The following PANK1 variants were observed in gnomAD, a reference collection of about 807,000 sequenced individuals.
The protein encoded by PANK1 is pantothenate kinase 1.
A neutral mutation model predicts 40.1 loss-of-function variants in PANK1; 18 were observed. That is an observed-to-expected ratio of 0.45 (90% CI 0.31 to 0.67). The LOEUF (loss-of-function observed/expected upper bound fraction) is 0.67. PANK1 is among the 30% of genes least tolerant of loss of function. PANK1 has a pLI of 0.06. For synonymous variants in PANK1, 242 were observed against 237.7 expected (o/e 1.02, Z -0.17); for missense variants, 457 against 599.6 (o/e 0.76, Z 2.48).
rs566399821 is a variant in PANK1, at chr10:89,645,009, A to G, written c.-118T>C. ...GCGGCTTCCGATTCAGCAGCCGCAGAGCCGGCGCCTGGGGATGGCGAACCC... is the reference window on the plus strand; with the variant it reads ...GCGGCTTCCGATTCAGCAGCCGCAGGGCCGGCGCCTGGGGATGGCGAACCC... On this transcript the variant is annotated 5_prime_UTR_variant, in exon 1 of 7. Coordinates refer to ENST00000307534, the MANE Select transcript of PANK1 (RefSeq NM_148977.3). 1.1e-5 allele frequency: 18 copies of G among 1,567,332 alleles called. 1 individual carries two copies. In the East Asian group the frequency reaches 4.2e-4, roughly 36 times the overall value.
intron 2 of PANK1, among the ~76,000 whole-genome samples, chr10:89,600,754 G>A (rs908491971): frequency 3.9e-4 from 59 of 152,064 alleles, no homozygotes; most frequent in African/African-American, 1.3e-3. Flanking sequence ...ATTACTACTG[G>A]CCCAGAGATC....
rs994696423 is a variant in PANK1, at chr10:89,584,213, C to G, written c.*193G>C. The G allele has an allele frequency of 1.9e-4, 98 of 519,874 alleles. No homozygotes were observed. The highest frequency in any genetic ancestry group is 3.2e-4 in the Non-Finnish European group (92 of 288,592). The allele number at this position is 519,874 out of a possible 1,614,324, so 32.2% of individuals were successfully genotyped here. A position where few individuals can be genotyped will look rare whatever the true frequency, so the allele number is the denominator to read the frequency against. ...ATACAGAAAAAAAACCTTTTATATTCCCCCGTTTTGAATCATTAGCTCAAA... is the reference window on the plus strand; with the variant it reads ...ATACAGAAAAAAAACCTTTTATATTGCCCCGTTTTGAATCATTAGCTCAAA... On this transcript the variant is annotated 3_prime_UTR_variant, in exon 7 of 7. Transcript: ENST00000307534.
intron 2 of PANK1, among the ~76,000 whole-genome samples, chr10:89,600,339 C>T (rs750702551): frequency 1.2e-4 from 18 of 152,136 alleles, no homozygotes; most frequent in Non-Finnish European, 2.5e-4. Flanking sequence ...CACCTTTGAG[C>T]CCACAAAGCC....
At chr10:89,643,813 A>G in intron 1 of PANK1, 1 of 1,603,410 alleles carries the variant, frequency 6.2e-7, no homozygotes, top group Non-Finnish European at 8.5e-7. Flanking sequence ...TACATCCCAC[A>G]GCGTCCTGTG....
At chr10:89,584,887 C>A (rs1488023913) in intron 6 of PANK1, among the ~76,000 whole-genome samples, 1 of 152,160 alleles carries the variant, frequency 6.6e-6, no homozygotes, top group Non-Finnish European at 1.5e-5. Context: ...TGAGAGAAAA[C>A]CCTAAACTTC....
intron 1 of PANK1, among the ~76,000 whole-genome samples, chr10:89,633,934 G>C (rs146144086): frequency 1.3e-5 from 2 of 152,134 alleles, no homozygotes; most frequent in South Asian, 4.2e-4. Flanking sequence ...GGGTCACATG[G>C]GTAGAATCTG....
intron 1 of PANK1, among the ~76,000 whole-genome samples, chr10:89,614,939 G>GGAGGAAGGGAGGAAGGAAA (rs1440980958): frequency 6.6e-6 from 1 of 152,016 alleles, no homozygotes; most frequent in Non-Finnish European, 1.5e-5. Flanking sequence ...GAGGAAGGAA[G>GGAGGAAGGGAGGAAGGAAA]GAAGAAGGAA....
At chr10:89,621,254 T>C (rs1486737475) in intron 1 of PANK1, among the ~76,000 whole-genome samples, 1 of 151,858 alleles carries the variant, frequency 6.6e-6, no homozygotes, top group Non-Finnish European at 1.5e-5. Context: ...TGAGCCGAGA[T>C]CGTGCCATTG....
chr10:89,637,238 C>A (rs1395457629), intron 1 of PANK1, among the ~76,000 whole-genome samples: 1 of 151,896 alleles, frequency 6.6e-6, no homozygotes, highest in Non-Finnish European at 1.5e-5. Context: ...TTCAGGCAGC[C>A]CTGAGAAGTG....
rs796077417 is a variant in PANK1, at chr10:89,599,511, A to G, written c.646-6T>C. On this transcript the variant is annotated splice_polypyrimidine_tract_variant and splice_region_variant and intron_variant, in intron 2 of 6. Coordinates refer to ENST00000307534, the MANE Select transcript of PANK1 (RefSeq NM_148977.3). Reference sequence around the variant, plus strand: ...TGCAGCTGCAGGTCAGCAATCTAAAACAAAACACACAACAAAATAAAACCT... The same window carrying G: ...TGCAGCTGCAGGTCAGCAATCTAAAGCAAAACACACAACAAAATAAAACCT... 23 of 1,610,022 alleles carry G rather than the reference A, an allele frequency of 1.4e-5. No individual in the cohort carries two copies. The African/African-American group carries it at 3.1e-4, about 22-fold the overall frequency.
At chr10:89,617,273 C>T (rs1845348583) in intron 1 of PANK1, among the ~76,000 whole-genome samples, 1 of 152,198 alleles carries the variant, frequency 6.6e-6, no homozygotes, top group South Asian at 2.1e-4. Context: ...GCTTAGAAGC[C>T]AGGCAGCAGG....
chr10:89,607,607 T>C (rs1178020743), intron 2 of PANK1, among the ~76,000 whole-genome samples: 1 of 152,220 alleles, frequency 6.6e-6, no homozygotes, highest in Non-Finnish European at 1.5e-5. Context: ...ATGCCTGTAT[T>C]GCAATGAAAA....
At position 89,584,365 on chromosome 10, in the gene PANK1, T is replaced by A; in HGVS notation, c.*41A>T. On this transcript the variant is annotated 3_prime_UTR_variant, in exon 7 of 7. Transcript: ENST00000307534. ...CCTTCTCCAGCAGCAATTTTTTAGT[T>A]CTCTGTCCTTTTGGGAGGCTGTTTC... 1 of 1,398,428 alleles carries A rather than the reference T, an allele frequency of 7.2e-7. No homozygotes were observed. 86.6% of individuals were successfully genotyped at this position (1,398,428 alleles called of 1,614,324 possible).
chr10:89,608,029 ACTTTT>A (rs1845025337), intron 2 of PANK1, among the ~76,000 whole-genome samples: 2 of 142,362 alleles, frequency 1.4e-5, no homozygotes, highest in Non-Finnish European at 3.0e-5. Flanking sequence ...ATGATCCTAA[ACTTTT>A]TTTTTTTTTT....
At chr10:89,628,704 C>A (rs1841546021) in intron 1 of PANK1, among the ~76,000 whole-genome samples, 1 of 152,178 alleles carries the variant, frequency 6.6e-6, no homozygotes, top group African/African-American at 2.4e-5. Flanking sequence ...TTTCAAGATA[C>A]ATTTTTAAAA....
intron 1 of PANK1, among the ~76,000 whole-genome samples, chr10:89,630,881 C>T (rs935681939): frequency 2.0e-5 from 3 of 152,188 alleles, no homozygotes. Context: ...AAAAGTTACA[C>T]CCAAGCTGGA....
Position 89,602,830 on chromosome 10 carries a change from G to A in PANK1, c.646-3325C>T, listed in dbSNP as rs554075750. Among the ~76,000 whole-genome samples, 4 of 152,246 alleles carry A rather than the reference G, an allele frequency of 2.6e-5. No homozygotes were observed. In the South Asian group the frequency reaches 8.3e-4, roughly 32 times the overall value. On this transcript the variant is annotated intron_variant, in intron 2 of 6. Coordinates refer to ENST00000307534, the MANE Select transcript of PANK1 (RefSeq NM_148977.3). ...CACCTGCTGTCCACTGTTGCCATGT[G>A]ATGTTGAGGGCCCAGTGTTACCAGA...
chr10:89,644,992 C>G lies in PANK1; in HGVS notation c.-101G>C, dbSNP rs1842072811. On this transcript the variant is annotated 5_prime_UTR_variant, in exon 1 of 7. Coordinates refer to ENST00000307534, the MANE Select transcript of PANK1 (RefSeq NM_148977.3). ...TTCCCCGGATCCTCCCTGCGGCTTCCGATTCAGCAGCCGCAGAGCCGGCGC... is the reference window on the plus strand; with the variant it reads ...TTCCCCGGATCCTCCCTGCGGCTTCGGATTCAGCAGCCGCAGAGCCGGCGC... 1 of 1,571,498 alleles carries G rather than the reference C, an allele frequency of 6.4e-7. No individual in the cohort carries two copies. Among genetic ancestry groups the G allele is most frequent in the Non-Finnish European group, 8.6e-7 (1 of 1,162,260 alleles).
chr10:89,593,154 T>C (rs573293388), intron 5 of PANK1, 43 bp downstream of exon 5: 2 of 1,601,818 alleles, frequency 1.2e-6, no homozygotes, highest in South Asian at 1.1e-5. Flanking sequence ...AGATGATGTA[T>C]ATGAATGACA....
Sources: gnomAD v4.1 joint callset for allele counts (sites outside exome capture counted in the v4.1 genomes callset) on GRCh38, gnomAD v4.1.1 for gene constraint, MANE v1.5 for transcripts, NCBI Gene and HGNC (gene_info 2026-07-23, HGNC 2026-07-21) for gene names.